CDK8: variants seen among roughly 807,000 people sequenced by gnomAD.
The protein encoded by CDK8 is cyclin-dependent kinase 8.
CDK8 carries 29 observed loss-of-function variants against 71.5 expected under a neutral mutation model. The observed-to-expected ratio is 0.41, with a 90% confidence interval of 0.30 to 0.55. The LOEUF (loss-of-function observed/expected upper bound fraction) is 0.55. Among genes scored for constraint, CDK8 ranks in the 20% least tolerant of loss-of-function variants. The pLI, the probability that CDK8 is intolerant of heterozygous loss-of-function variation, is 0.37. For synonymous variants in CDK8, 161 were observed against 192.1 expected (o/e 0.84, Z 1.34); for missense variants, 288 against 572.6 (o/e 0.50, Z 5.07).
intron 1 of CDK8, among the ~76,000 whole-genome samples, chr13:26,289,838 C>T (rs1291038888): frequency 6.6e-6 from 1 of 152,174 alleles, no homozygotes; most frequent in Non-Finnish European, 1.5e-5. Context: ...GCGTGAGCCA[C>T]GGTGCCCGGC....
chr13:26,293,371 G>A (rs1192020077), intron 1 of CDK8, among the ~76,000 whole-genome samples: 1 of 152,088 alleles, frequency 6.6e-6, no homozygotes, highest in Non-Finnish European at 1.5e-5. Flanking sequence ...GGGCGGCCAA[G>A]GCGGGTGGAT....
intron 2 of CDK8, among the ~76,000 whole-genome samples, chr13:26,343,297 A>G (rs1042056356): frequency 6.6e-6 from 1 of 152,142 alleles, no homozygotes; most frequent in Admixed American, 6.5e-5. Flanking sequence ...TGCTATACCG[A>G]ATACTATAGG....
chr13:26,290,239 A>G (rs2137900103), intron 1 of CDK8, among the ~76,000 whole-genome samples: 1 of 152,338 alleles, frequency 6.6e-6, no homozygotes, highest in Non-Finnish European at 1.5e-5. Context: ...AAAAGCTATA[A>G]TTCTGATTTG....
intron 4 of CDK8, among the ~76,000 whole-genome samples, chr13:26,381,243 A>G (rs1875211773): frequency 6.6e-6 from 1 of 152,180 alleles, no homozygotes; most frequent in Non-Finnish European, 1.5e-5. Flanking sequence ...ATGCTGCCTA[A>G]TTCCATTTGG....
In CDK8 at chr13:26,359,836, C is replaced by T. The variant is rs1053089030; in HGVS notation, c.456+5956C>T. On this transcript the variant is annotated intron_variant, in intron 4 of 12. Transcript: ENST00000381527. ...GTTCAAGTGATTCTCCTGCCTTAGC[C>T]TCCCAAGTAGCTGGGATTACAGGCG... 2.3e-5 allele frequency: 6 copies of T among 256,752 alleles called. No homozygotes were observed. In the Admixed American group the frequency reaches 2.4e-4, roughly 10 times the overall value. The allele number at this position is 256,752 out of a possible 1,614,324, so 15.9% of individuals were successfully genotyped here.
intron 1 of CDK8, among the ~76,000 whole-genome samples, chr13:26,314,913 T>G (rs544732963): frequency 1.3e-5 from 2 of 152,284 alleles, no homozygotes; most frequent in East Asian, 3.9e-4. Context: ...ATTTAGTTCT[T>G]TAAAGGTATA....
chr13:26,279,378 A>G (rs1183568988), intron 1 of CDK8, among the ~76,000 whole-genome samples: 2 of 152,308 alleles, frequency 1.3e-5, no homozygotes, highest in Middle Eastern at 3.4e-3. Context: ...GAGTCTGGCA[A>G]TCATCAGCTT....
At position 26,348,612 on chromosome 13, in the gene CDK8, T is replaced by C. The variant is rs372940778; in HGVS notation, c.205-460T>C. 9.9e-5 allele frequency among the ~76,000 whole-genome samples: 15 copies of C among 151,578 alleles called. 1 individual carries two copies. In the East Asian group the frequency reaches 2.7e-3, roughly 28 times the overall value. ...CCCCATTATCCGTGGAAAATTTGTC[T>C]TCCTCAAAAATGGTTTCTGATGCCA... On this transcript the variant is annotated intron_variant, in intron 2 of 12. Coordinates refer to ENST00000381527, the MANE Select transcript of CDK8 (RefSeq NM_001260.3).
At chr13:26,267,294 G>A (rs1872063539) in intron 1 of CDK8, among the ~76,000 whole-genome samples, 1 of 152,102 alleles carries the variant, frequency 6.6e-6, no homozygotes. Flanking sequence ...AGAATTTCAG[G>A]TCAAAGGTCA....
In CDK8 at chr13:26,401,857, G is replaced by A. The variant is rs908230606; in HGVS notation, c.1269+233G>A. ...ACAAATTATGCCATTTATTAACTGT[G>A]TGACCTTGGACAAGTAGGATAATAT... On this transcript the variant is annotated intron_variant, in intron 12 of 12. Transcript: ENST00000381527. The surrounding 1 kb of genome is among the most constrained non-coding windows in gnomAD (Gnocchi z 4.5). Among the ~76,000 whole-genome samples, 8 of 152,222 alleles carry A rather than the reference G, an allele frequency of 5.3e-5. No individual in the cohort carries two copies. The highest frequency in any genetic ancestry group is 8.8e-5 in the Non-Finnish European group (6 of 68,042).
At chr13:26,395,365 C>T (rs966890997) in intron 7 of CDK8, among the ~76,000 whole-genome samples, 1 of 151,910 alleles carries the variant, frequency 6.6e-6, no homozygotes. Context: ...TGCCTGTAAT[C>T]CCAGCTACTC....
chr13:26,324,513 C>T (rs1477637719), intron 1 of CDK8, among the ~76,000 whole-genome samples: 1 of 152,090 alleles, frequency 6.6e-6, no homozygotes, highest in Non-Finnish European at 1.5e-5. Context: ...TGTTCAGGTG[C>T]ATTCACATGC....
rs552181690 is a variant in CDK8 at position 26,324,130 on chromosome 13, A to G, written c.129-13437A>G. Among the ~76,000 whole-genome samples the G allele has an allele frequency of 9.4e-4, 143 of 152,326 alleles. 1 individual carries two copies. The highest frequency in any genetic ancestry group is 3.3e-3 in the African/African-American group (138 of 41,594). On this transcript the variant is annotated intron_variant, in intron 1 of 12. Transcript: ENST00000381527. ...ATAATTGATACAGAGTGCAAGAGTG[A>G]GAAGGTATATTAATTTCTTTAAATA...
chr13:26,314,246 G>A (rs1045527822), intron 1 of CDK8, among the ~76,000 whole-genome samples: 3 of 151,968 alleles, frequency 2.0e-5, no homozygotes, highest in Non-Finnish European at 2.9e-5. Context: ...TAAGTCTTAC[G>A]AAATAATTTT....
chr13:26,357,098 G>A (rs1873928723), intron 4 of CDK8, among the ~76,000 whole-genome samples: 1 of 152,188 alleles, frequency 6.6e-6, no homozygotes, highest in Non-Finnish European at 1.5e-5. Context: ...AGATGGTAGA[G>A]TTATGAATTT....
At chr13:26,286,414 A>G (rs1397990628) in intron 1 of CDK8, among the ~76,000 whole-genome samples, 3 of 152,250 alleles carry the variant, frequency 2.0e-5, no homozygotes, top group Non-Finnish European at 4.4e-5. Context: ...AAATGGGGAA[A>G]GGACATCCCA....
At chr13:26,289,650 A>T (rs1175695) in intron 1 of CDK8, among the ~76,000 whole-genome samples, 38,484 of 151,838 alleles carry the variant, frequency 0.25, 5,600 homozygotes, top group East Asian at 0.44. Context: ...TCCCGGGTTC[A>T]CGCCATTCTC....
intron 1 of CDK8, among the ~76,000 whole-genome samples, chr13:26,311,177 G>GA (rs1224475262): frequency 5.3e-5 from 8 of 150,212 alleles, no homozygotes; most frequent in Admixed American, 2.0e-4. Context: ...ATATTTTACT[G>GA]AAAAAAAATG....
At chr13:26,355,368 C>T (rs1426594855) in intron 4 of CDK8, among the ~76,000 whole-genome samples, 1 of 152,198 alleles carries the variant, frequency 6.6e-6, no homozygotes, top group Non-Finnish European at 1.5e-5. Context: ...ATAATCCCAG[C>T]ACTTTGGGAG....
Sources: allele counts gnomAD v4.1 joint callset (sites outside exome capture counted in the v4.1 genomes callset), GRCh38; gene constraint gnomAD v4.1.1; non-coding constraint Gnocchi (gnomAD v3.1); transcripts MANE v1.5; gene names NCBI Gene and HGNC (gene_info 2026-07-23, HGNC 2026-07-21).